PCDHA2: variants seen among roughly 807,000 people sequenced by gnomAD.
The protein encoded by PCDHA2 is protocadherin alpha-2.
In PCDHA2, 58 loss-of-function variants were observed where a neutral mutation model predicts 66.0. The observed-to-expected ratio is 0.88, with a 90% CI of 0.71 to 1.09. The LOEUF is 1.09. PCDHA2 is among the 50% of genes least tolerant of loss of function. PCDHA2 has a pLI of 0.00. For missense variants in PCDHA2, 1,267 were observed against 1,242.3 expected (o/e 1.02, Z -0.30); for synonymous variants, 634 against 554.0 (o/e 1.14, Z -2.03).
intron 1 of PCDHA2, among the ~76,000 whole-genome samples, chr5:140,846,008 T>C (rs1253798347): frequency 1.3e-5 from 2 of 149,708 alleles, no homozygotes; most frequent in African/African-American, 2.4e-5. Context: ...ATGAAAAAAA[T>C]CTAAAAGTTA....
At chr5:140,854,722 C>G (rs78325333) in intron 1 of PCDHA2, 1 of 149,404 alleles carries the variant, frequency 6.7e-6, no homozygotes, top group African/African-American at 2.5e-5. Flanking sequence ...ACAGAAAACT[C>G]AAGTTTTTTT....
chr5:140,857,738 C>T, intron 1 of PCDHA2: 1 of 1,597,432 alleles, frequency 6.3e-7, no homozygotes, highest in Non-Finnish European at 8.6e-7. Flanking sequence ...CGCTCCCGCG[C>T]TGCTGGCGTC....
chr5:140,890,344 A>G (rs1482265903), intron 1 of PCDHA2, among the ~76,000 whole-genome samples: 1 of 152,196 alleles, frequency 6.6e-6, no homozygotes, highest in Admixed American at 6.5e-5. Context: ...GGGATGGTTT[A>G]CTATATAGCA....
intron 1 of PCDHA2, chr5:140,870,855 G>A: frequency 6.2e-7 from 1 of 1,613,910 alleles, no homozygotes; most frequent in Non-Finnish European, 8.5e-7. Flanking sequence ...CGCGGTCGGT[G>A]GGTGCGGGCC....
At chr5:140,892,721 T>A (rs1554185338) in intron 1 of PCDHA2, among the ~76,000 whole-genome samples, 1 of 152,226 alleles carries the variant, frequency 6.6e-6, no homozygotes, top group Admixed American at 6.5e-5. Flanking sequence ...ATTCATAATC[T>A]CAAACATTTA....
intron 1 of PCDHA2, among the ~76,000 whole-genome samples, chr5:140,873,769 T>G (rs1554166882): frequency 6.6e-6 from 1 of 151,412 alleles, no homozygotes; most frequent in Non-Finnish European, 1.5e-5. Flanking sequence ...CAAGCAATTC[T>G]CCTGCCTCAG....
intron 1 of PCDHA2, chr5:140,883,616 G>C: frequency 6.2e-7 from 1 of 1,614,014 alleles, no homozygotes; most frequent in Non-Finnish European, 8.5e-7. Flanking sequence ...CGACGTGAAC[G>C]ACAACGCGCC....
intron 1 of PCDHA2, among the ~76,000 whole-genome samples, chr5:140,950,272 CT>C (rs373882606): frequency 7.9e-5 from 12 of 151,950 alleles, no homozygotes; most frequent in African/African-American, 2.9e-4. Flanking sequence ...TCCATAATGT[CT>C]TTTTGCTTCA....
At position 140,808,802 on chromosome 5, in the gene PCDHA2, G is replaced by A. The variant is rs533708736; in HGVS notation, c.2388+11450G>A. ...GCTGCAGTTTCAGGTGACCGCTCGC[G>A]ATGCCGGCGTGCCACCTCTGGGCAG... On this transcript the variant is annotated intron_variant, in intron 1 of 3. Transcript: ENST00000526136. The A allele has an allele frequency of 2.5e-5, 41 of 1,612,700 alleles. No individual in the cohort carries two copies. In the South Asian group the frequency reaches 4.4e-4, roughly 17 times the overall value.
At chr5:140,938,618 C>A (rs925273700) in intron 1 of PCDHA2, among the ~76,000 whole-genome samples, 1 of 152,138 alleles carries the variant, frequency 6.6e-6, no homozygotes, top group East Asian at 1.9e-4. Flanking sequence ...TTGGAATAAA[C>A]TCAGGTTGCT....
chr5:140,917,130 C>T (rs1449410463), intron 1 of PCDHA2, among the ~76,000 whole-genome samples: 1 of 152,060 alleles, frequency 6.6e-6, no homozygotes, highest in Non-Finnish European at 1.5e-5. Flanking sequence ...AGACTCCCCA[C>T]GTTGCTCAGC....
intron 1 of PCDHA2, chr5:140,875,557 G>C: frequency 5.6e-6 from 9 of 1,614,064 alleles, no homozygotes; most frequent in Non-Finnish European, 7.6e-6. Flanking sequence ...GGTGGGGAGC[G>C]GCCAGCTCCA....
intron 1 of PCDHA2, among the ~76,000 whole-genome samples, chr5:140,846,838 C>T (rs1554141511): frequency 6.7e-6 from 1 of 149,596 alleles, no homozygotes; most frequent in African/African-American, 2.5e-5. Context: ...ATATGAGTCA[C>T]ACAATGCAAG....
intron 1 of PCDHA2, among the ~76,000 whole-genome samples, chr5:140,938,952 C>G (rs1036829091): frequency 4.6e-5 from 7 of 152,104 alleles, no homozygotes; most frequent in South Asian, 2.1e-4. Flanking sequence ...TTATAATGCT[C>G]TAGTCGGAGT....
chr5:140,963,196 G>GA (rs199602110), intron 1 of PCDHA2, among the ~76,000 whole-genome samples: 256 of 147,602 alleles, frequency 1.7e-3, no homozygotes, highest in African/African-American at 4.3e-3. Flanking sequence ...CTGTGAAAAT[G>GA]AAAAAAAAAA....
rs563116049 is a variant in PCDHA2, at chr5:140,869,756, G to A, written c.2388+72404G>A. ...TTGCTGCTAACAGCTACAGACGGGGGAAAACCAGAGCTTACTGGCACCGTT... is the reference window on the plus strand; with the variant it reads ...TTGCTGCTAACAGCTACAGACGGGGAAAAACCAGAGCTTACTGGCACCGTT... On this transcript the variant is annotated intron_variant, in intron 1 of 3. Coordinates refer to ENST00000526136, the MANE Select transcript of PCDHA2 (RefSeq NM_018905.3). The A allele has an allele frequency of 3.2e-5, 51 of 1,613,194 alleles. No individual in the cohort carries two copies. Among genetic ancestry groups the A allele is most frequent in the Non-Finnish European group, 4.0e-5 (47 of 1,179,718 alleles).
At chr5:140,875,447 C>G (rs532829491) in intron 1 of PCDHA2, 1 of 1,584,206 alleles carries the variant, frequency 6.3e-7, no homozygotes, top group African/African-American at 1.4e-5. Flanking sequence ...CTGATTGTCC[C>G]AACTCAGAGG....
intron 1 of PCDHA2, chr5:140,853,722 A>C (rs1236467209): frequency 2.0e-6 from 2 of 988,342 alleles, no homozygotes; most frequent in African/African-American, 1.8e-5. Flanking sequence ...GCAGCACCTA[A>C]GTCCTCATTG....
intron 1 of PCDHA2, among the ~76,000 whole-genome samples, chr5:140,923,613 G>GT (rs2081443569): frequency 6.6e-6 from 1 of 152,146 alleles, no homozygotes; most frequent in South Asian, 2.1e-4. Context: ...TGTTTATCTG[G>GT]TCATCTTATC....
Sources: gnomAD v4.1 joint callset for allele counts (sites outside exome capture counted in the v4.1 genomes callset) on GRCh38, gnomAD v4.1.1 for gene constraint, MANE v1.5 for transcripts, NCBI Gene and HGNC (gene_info 2026-07-23, HGNC 2026-07-21) for gene names.